Variants in CSMD3 observed in about 807,000 individuals in gnomAD.
CSMD3 encodes the protein CUB and Sushi multiple domains 3.
In CSMD3, 177 loss-of-function variants were observed where a neutral mutation model predicts 435.2. The observed-to-expected ratio is 0.41, with a 90% CI of 0.36 to 0.46. CSMD3 has a LOEUF of 0.46. Among genes scored for constraint, CSMD3 ranks in the 20% least tolerant of loss-of-function variants. CSMD3 has a pLI of 0.34. For missense variants in CSMD3, 4,265 were observed against 4,504.6 expected (o/e 0.95, Z 1.52); for synonymous variants, 1,656 against 1,520.5 (o/e 1.09, Z -2.07).
chr8:112,607,858 T>C (rs1832922052), intron 22 of CSMD3, among the ~76,000 whole-genome samples: 1 of 152,010 alleles, frequency 6.6e-6, no homozygotes, highest in Non-Finnish European at 1.5e-5. Context: ...ACATCAAACA[T>C]TGAAAAGCTA....
At chr8:113,334,972 A>G (rs1029989513) in intron 1 of CSMD3, among the ~76,000 whole-genome samples, 4 of 152,096 alleles carry the variant, frequency 2.6e-5, no homozygotes, top group African/African-American at 9.7e-5. Flanking sequence ...AAATCAAATT[A>G]TATCCCCAAT....
intron 3 of CSMD3, among the ~76,000 whole-genome samples, chr8:113,186,972 T>C (rs2092512670): frequency 6.6e-6 from 1 of 151,928 alleles, no homozygotes; most frequent in African/African-American, 2.4e-5. Flanking sequence ...ACAATATAAC[T>C]GGTTCCCATT....
chr8:113,146,842 A>T (rs1412910423), intron 4 of CSMD3, among the ~76,000 whole-genome samples: 2 of 151,724 alleles, frequency 1.3e-5, no homozygotes, highest in Non-Finnish European at 3.0e-5. Context: ...AGTCTCCAGA[A>T]ATACTGAGGT....
At chr8:112,692,185 T>C (rs190042263) in intron 13 of CSMD3, among the ~76,000 whole-genome samples, 46 of 152,224 alleles carry the variant, frequency 3.0e-4, no homozygotes, top group African/African-American at 1.0e-3. Context: ...TTGGATTATA[T>C]TGCTATTCTT....
At chr8:113,098,585 T>A (rs2131544756) in intron 5 of CSMD3, 171 bp downstream of exon 5, 1 of 602,312 alleles carries the variant, frequency 1.7e-6, no homozygotes, top group African/African-American at 1.9e-5. Context: ...ATTTTTTATG[T>A]AAATAGCTCG....
intron 32 of CSMD3, among the ~76,000 whole-genome samples, chr8:112,469,338 A>G (rs546293864): frequency 6.6e-6 from 1 of 152,226 alleles, no homozygotes; most frequent in South Asian, 2.1e-4. Flanking sequence ...ATGATCTTTC[A>G]TGGGTGATTT....
intron 38 of CSMD3, among the ~76,000 whole-genome samples, chr8:112,360,406 TAAAC>T (rs1827074440): frequency 6.6e-6 from 1 of 152,094 alleles, no homozygotes; most frequent in Non-Finnish European, 1.5e-5. Context: ...ATAATATACA[TAAAC>T]AAAATAAAAT....
chr8:112,603,812 A>G (rs13278199), intron 22 of CSMD3, among the ~76,000 whole-genome samples: 87,503 of 151,872 alleles, frequency 0.58, 25,776 homozygotes, highest in African/African-American at 0.69. Flanking sequence ...CATATTAGTG[A>G]ACCTAAATAG....
intron 2 of CSMD3, among the ~76,000 whole-genome samples, chr8:113,287,735 A>T (rs1365549526): frequency 6.6e-6 from 1 of 151,960 alleles, no homozygotes. Context: ...AAAGTTTTAG[A>T]GGTGAGGTTT....
At chr8:112,881,147 A>G (rs1189286816) in intron 10 of CSMD3, among the ~76,000 whole-genome samples, 1 of 152,028 alleles carries the variant, frequency 6.6e-6, no homozygotes, top group East Asian at 1.9e-4. Flanking sequence ...TCCTTCATGC[A>G]CCTCACGTTA....
chr8:112,464,882 AC>A (rs1378104874), intron 32 of CSMD3, among the ~76,000 whole-genome samples: 1 of 152,204 alleles, frequency 6.6e-6, no homozygotes, highest in Non-Finnish European at 1.5e-5. Flanking sequence ...AAAATGGTGA[AC>A]AAAGAAGTAT....
chr8:112,734,927 G>A (rs191243070), intron 13 of CSMD3, among the ~76,000 whole-genome samples: 1 of 151,996 alleles, frequency 6.6e-6, no homozygotes, highest in African/African-American at 2.4e-5. Context: ...CCAAGCAAAA[G>A]GCTGCACAGG....
rs1223470051 is a variant in CSMD3, at chr8:112,689,950, C to T, written c.2073G>A (p.Gln691=). The T allele has an allele frequency of 6.2e-7, 1 of 1,613,350 alleles. No homozygotes were observed. The highest frequency in any genetic ancestry group is 1.1e-5 in the South Asian group (1 of 91,066). ...TCTCTCCAATTAATTCAAACCCAAACTGGCATTCAAACCTTAAAACATCAC... is the reference window on the plus strand; with the variant it reads ...TCTCTCCAATTAATTCAAACCCAAATTGGCATTCAAACCTTAAAACATCAC... ...SNRDVLRFEC[Q]FGFELIGEKS... Residue 691 remains glutamine, a synonymous_variant, in exon 14 of 71, where the codon CAG becomes CAA. Coordinates refer to ENST00000297405, the MANE Select transcript of CSMD3 (RefSeq NM_198123.2).
At chr8:112,343,849 A>C (rs1266343497) in intron 41 of CSMD3, among the ~76,000 whole-genome samples, 1 of 151,718 alleles carries the variant, frequency 6.6e-6, no homozygotes, top group South Asian at 2.1e-4. Flanking sequence ...GAGCCTCACT[A>C]TGTTGCCCAG....
At chr8:112,871,878 T>C (rs1351887807) in intron 10 of CSMD3, among the ~76,000 whole-genome samples, 1 of 152,118 alleles carries the variant, frequency 6.6e-6, no homozygotes, top group Non-Finnish European at 1.5e-5. Flanking sequence ...TCCATAACAA[T>C]TTAACCACAA....
At chr8:112,422,865 A>T (rs955821707) in intron 32 of CSMD3, among the ~76,000 whole-genome samples, 3 of 152,356 alleles carry the variant, frequency 2.0e-5, no homozygotes, top group South Asian at 2.1e-4. Context: ...GAAACAAATA[A>T]GAAAACTTAA....
chr8:113,295,527 T>C (rs1181256653), intron 2 of CSMD3, among the ~76,000 whole-genome samples: 1 of 152,304 alleles, frequency 6.6e-6, no homozygotes, highest in African/African-American at 2.4e-5. Flanking sequence ...AAGAATGATA[T>C]AAAATAAAGT....
At chr8:112,645,510 A>C (rs2074956174) in intron 19 of CSMD3, among the ~76,000 whole-genome samples, 2 of 152,066 alleles carry the variant, frequency 1.3e-5, no homozygotes, top group South Asian at 4.1e-4. Flanking sequence ...TTGGTGGTAA[A>C]TTAAACATGA....
intron 2 of CSMD3, among the ~76,000 whole-genome samples, chr8:113,293,112 A>T (rs143617892): frequency 2.6e-5 from 4 of 151,844 alleles, no homozygotes; most frequent in South Asian, 4.1e-4. Context: ...ACAAAATTTT[A>T]CTATTTATAC....
Sources: gnomAD v4.1 joint callset for allele counts (sites outside exome capture counted in the v4.1 genomes callset) on GRCh38, gnomAD v4.1.1 for gene constraint, MANE v1.5 for transcripts, NCBI Gene and HGNC (gene_info 2026-07-23, HGNC 2026-07-21) for gene names.